The following UCK2 variants were observed in gnomAD, a reference collection of about 807,000 sequenced individuals.
The protein encoded by UCK2 is cytidine monophosphokinase 2.
Under a neutral mutation model 30.8 loss-of-function variants are expected in UCK2, and 6 were observed. The observed-to-expected ratio is 0.19, with a 90% CI of 0.11 to 0.38. The LOEUF (loss-of-function observed/expected upper bound fraction) is 0.38. Ranked by LOEUF, UCK2 falls within the 10% of genes least tolerant of loss-of-function variation. The probability of loss-of-function intolerance (pLI) is 1.00; values close to 1 mark genes in which losing one functional copy is unlikely to be tolerated. For missense variants in UCK2, 210 were observed against 339.8 expected, an observed-to-expected ratio of 0.62 and a Z score of 3.00; for synonymous variants, 125 against 133.6, an observed-to-expected ratio of 0.94 and a Z score of 0.45.
chr1:165,836,089 A>ATGGTGGC (rs1349327489), intron 1 of UCK2, among the ~76,000 whole-genome samples: 2 of 152,136 alleles, frequency 1.3e-5, no homozygotes, highest in Admixed American at 1.3e-4. Context: ...TTAGCTGGGC[A>ATGGTGGC]TGGTGGCTGG....
In UCK2 at chr1:165,827,743, GGCT is replaced by G. The variant is rs1653922371; in HGVS notation, c.-88_-86del. 8.6e-7 allele frequency: 1 copy of G among 1,157,262 alleles called. No individual in the cohort carries two copies. Among genetic ancestry groups the G allele is most frequent in the East Asian group, 3.2e-5 (1 of 30,810 alleles). The allele number at this position is 1,157,262 out of a possible 1,614,324, so 71.7% of individuals were successfully genotyped here. A position where few individuals can be genotyped will look rare whatever the true frequency, so the allele number is the denominator to read the frequency against. On this transcript the variant is annotated 5_prime_UTR_variant, in exon 1 of 7. Coordinates refer to ENST00000367879, the MANE Select transcript of UCK2 (RefSeq NM_012474.5). ...CTCAGCCCCGGCAGCGCCCAGCGGC[GGCT>G]GCGGAAAGCGGAGGGAGTCCGACGC...
At chr1:165,882,733 A>C (rs1472583504) in intron 1 of UCK2, among the ~76,000 whole-genome samples, 1 of 152,150 alleles carries the variant, frequency 6.6e-6, no homozygotes, top group African/African-American at 2.4e-5. Flanking sequence ...ATCACCTCCT[A>C]TAGGCCTACC....
intron 4 of UCK2, among the ~76,000 whole-genome samples, chr1:165,898,248 GGCAA>G (rs1269594049): frequency 0.1 from 15,280 of 152,094 alleles, 2,563 homozygotes; most frequent in African/African-American, 0.35. Context: ...CTAGATGTGT[GGCAA>G]ATTGTGCAAA....
chr1:165,838,019 G>A (rs1187013747), intron 1 of UCK2, among the ~76,000 whole-genome samples: 11 of 152,212 alleles, frequency 7.2e-5, no homozygotes, highest in Non-Finnish European at 1.0e-4. Flanking sequence ...GAGTGTTGAC[G>A]TTGGACTGTA....
At chr1:165,856,225 A>T (rs1482675358) in intron 1 of UCK2, among the ~76,000 whole-genome samples, 1 of 152,014 alleles carries the variant, frequency 6.6e-6, no homozygotes, top group East Asian at 1.9e-4. Flanking sequence ...TCACACAGCT[A>T]ATCAGTGGCC....
At chr1:165,871,837 C>G (rs1655203207) in intron 1 of UCK2, among the ~76,000 whole-genome samples, 1 of 152,106 alleles carries the variant, frequency 6.6e-6, no homozygotes, top group South Asian at 2.1e-4. Context: ...TTGCAAAACA[C>G]TACTTAAAAA....
chr1:165,839,701 A>G (rs1654276926), intron 1 of UCK2, among the ~76,000 whole-genome samples: 1 of 152,174 alleles, frequency 6.6e-6, no homozygotes, highest in East Asian at 1.9e-4. Context: ...GGCTTGTGTT[A>G]ACATCCCTAT....
intron 4 of UCK2, among the ~76,000 whole-genome samples, chr1:165,901,057 G>A (rs1396020647): frequency 6.6e-6 from 1 of 152,140 alleles, no homozygotes; most frequent in South Asian, 2.1e-4. Context: ...CTTCTGGGGG[G>A]TGAGCCACGT....
chr1:165,858,555 T>C (rs1021507838), intron 1 of UCK2, among the ~76,000 whole-genome samples: 1 of 152,172 alleles, frequency 6.6e-6, no homozygotes, highest in African/African-American at 2.4e-5. Context: ...TGCCAGGTCA[T>C]GAAGCAGAAG....
At chr1:165,871,045 C>T (rs1441600482) in intron 1 of UCK2, among the ~76,000 whole-genome samples, 3 of 152,140 alleles carry the variant, frequency 2.0e-5, no homozygotes, top group Non-Finnish European at 4.4e-5. Context: ...GACCTCCTGA[C>T]CTCAAGTGAT....
In UCK2 at chr1:165,886,063, G is replaced by A. The variant is rs117382930; in HGVS notation, c.100-4141G>A. ...TCATTTTCCCCTCCCCTCAGCCCCT[G>A]GCAACCACCATTTAACTTTCCGTTT... On this transcript the variant is annotated intron_variant, in intron 1 of 6. Coordinates refer to ENST00000367879, the MANE Select transcript of UCK2 (RefSeq NM_012474.5). Among the ~76,000 whole-genome samples, 1,235 of 151,992 alleles carry A rather than the reference G, an allele frequency of 8.1e-3. 33 individuals carry two copies. The highest frequency in any genetic ancestry group is 0.051 in the Admixed American group (772 of 15,270).
At chr1:165,886,084 C>T (rs978640611) in intron 1 of UCK2, among the ~76,000 whole-genome samples, 6 of 152,038 alleles carry the variant, frequency 3.9e-5, no homozygotes, top group East Asian at 1.9e-4. Flanking sequence ...TTTAACTTTC[C>T]GTTTCTATGA....
chr1:165,888,308 T>A (rs1207479156), intron 1 of UCK2, among the ~76,000 whole-genome samples: 1 of 152,206 alleles, frequency 6.6e-6, no homozygotes, highest in Non-Finnish European at 1.5e-5. Context: ...TTTTTCTTTT[T>A]TTTTGATGCA....
intron 3 of UCK2, chr1:165,892,589 A>T (rs1020795513): frequency 2.6e-5 from 4 of 152,262 alleles, no homozygotes; most frequent in Non-Finnish European, 5.9e-5. Flanking sequence ...ACCTGGAAGC[A>T]TGTGGGGCAA....
chr1:165,862,848 G>T (rs12066877), intron 1 of UCK2, among the ~76,000 whole-genome samples: 40,721 of 152,100 alleles, frequency 0.27, 5,662 homozygotes, highest in South Asian at 0.48. Context: ...TCACTTCCCT[G>T]TTTATGGTTT....
intron 4 of UCK2, among the ~76,000 whole-genome samples, chr1:165,902,031 C>G (rs529859): frequency 0.63 from 94,105 of 150,108 alleles, 30,250 homozygotes; most frequent in South Asian, 0.75. Flanking sequence ...GTCAGGAGAT[C>G]GAGACCATCC....
intron 1 of UCK2, among the ~76,000 whole-genome samples, chr1:165,874,378 T>TG (rs1655280464): frequency 6.6e-6 from 1 of 152,264 alleles, no homozygotes; most frequent in Admixed American, 6.5e-5. Context: ...AGGGTTTATT[T>TG]GGGGGACTCA....
intron 1 of UCK2, among the ~76,000 whole-genome samples, chr1:165,878,901 C>G (rs1655404832): frequency 6.6e-6 from 1 of 152,198 alleles, no homozygotes; most frequent in South Asian, 2.1e-4. Flanking sequence ...AAATTGTCTT[C>G]CAAAGTGGCT....
At position 165,890,362 on chromosome 1, in the gene UCK2, G is replaced by T. The variant is rs201530212; in HGVS notation, c.258G>T (p.Pro86=). Residue 86 remains proline (P), a splice_region_variant and synonymous_variant, in exon 2 of 7, where the codon CCG becomes CCT. Coordinates refer to ENST00000367879, the MANE Select transcript of UCK2 (RefSeq NM_012474.5). ...ALKGQFNFDH[P]DAFDNELILK... ...AGGGCCAGTTCAACTTTGACCACCC[G>T]GGTGAGTCGGGCATTGAAGGGGGTA... 6.2e-7 allele frequency: 1 copy of T among 1,613,900 alleles called. No individual in the cohort carries two copies. The highest frequency in any genetic ancestry group is 2.2e-5 in the East Asian group (1 of 44,876).
Sources: gnomAD v4.1 joint callset for allele counts (sites outside exome capture counted in the v4.1 genomes callset) on GRCh38, gnomAD v4.1.1 for gene constraint, MANE v1.5 for transcripts, NCBI Gene and HGNC (gene_info 2026-07-23, HGNC 2026-07-21) for gene names.